The following LCORL variants were observed in gnomAD, a reference collection of about 807,000 sequenced individuals.
LCORL encodes the protein ligand-dependent nuclear receptor corepressor-like protein.
Under a neutral mutation model 141.8 loss-of-function variants are expected in LCORL, and 41 were observed. That is an observed-to-expected ratio of 0.29 (90% CI 0.23 to 0.38). The LOEUF (loss-of-function observed/expected upper bound fraction) is 0.38, where lower values mean the gene tolerates loss of function less well. Ranked by LOEUF, LCORL falls within the 10% of genes least tolerant of loss-of-function variation. LCORL has a pLI of 1.00. For synonymous variants in LCORL, 618 were observed against 694.1 expected (o/e 0.89, Z 1.72); for missense variants, 1,759 against 2,035.0 (o/e 0.86, Z 2.61).
intron 7 of LCORL, among the ~76,000 whole-genome samples, chr4:17,853,630 C>G (rs1724025898): frequency 6.6e-6 from 1 of 152,246 alleles, no homozygotes; most frequent in East Asian, 1.9e-4. Context: ...ACTGTCAAAT[C>G]TGAACTCATC....
At chr4:17,870,431 A>G (rs534206028) in intron 7 of LCORL, among the ~76,000 whole-genome samples, 2 of 152,270 alleles carry the variant, frequency 1.3e-5, no homozygotes, top group African/African-American at 4.8e-5. Flanking sequence ...AGATGCAACA[A>G]TGTAGGAAAC....
At chr4:17,964,367 A>C (rs1714437137) in intron 2 of LCORL, among the ~76,000 whole-genome samples, 1 of 152,154 alleles carries the variant, frequency 6.6e-6, no homozygotes, top group African/African-American at 2.4e-5. Context: ...TATGGATTAA[A>C]TGAAAAAATG....
At chr4:17,995,784 A>G (rs1396931119) in intron 1 of LCORL, among the ~76,000 whole-genome samples, 1 of 152,088 alleles carries the variant, frequency 6.6e-6, no homozygotes, top group South Asian at 2.1e-4. Context: ...CTAATATTAT[A>G]TAAGTTTGTT....
At chr4:17,945,068 G>T (rs1371202892) in intron 4 of LCORL, among the ~76,000 whole-genome samples, 1 of 152,090 alleles carries the variant, frequency 6.6e-6, no homozygotes, top group African/African-American at 2.4e-5. Context: ...CACACCCTCT[G>T]CAAGAATTAT....
intron 1 of LCORL, among the ~76,000 whole-genome samples, chr4:17,995,287 T>A (rs562848417): frequency 2.7e-4 from 41 of 151,932 alleles, no homozygotes; most frequent in Non-Finnish European, 5.3e-4. Flanking sequence ...ACTTAAGGAC[T>A]ACAGTGTCTC....
At chr4:17,947,361 T>G (rs1279988104) in intron 4 of LCORL, among the ~76,000 whole-genome samples, 1 of 151,880 alleles carries the variant, frequency 6.6e-6, no homozygotes, top group African/African-American at 2.4e-5. Context: ...GAGAGCAGAA[T>G]AGTAGAATAC....
chr4:17,851,664 G>C lies in LCORL; in HGVS notation c.5603-5763C>G, dbSNP rs76904693. ...TAGCAATGATGCATTGAATATTCTT[G>C]CATGTGTTCAAGTATATCTATAGAG... On this transcript the variant is annotated intron_variant, in intron 7 of 7. Coordinates refer to ENST00000635767, the Ensembl canonical transcript of LCORL. 3.9e-3 allele frequency among the ~76,000 whole-genome samples: 593 copies of C among 152,170 alleles called. 14 individuals are homozygous for C. The East Asian group carries it at 0.059, about 15-fold the overall frequency.
intron 5 of LCORL, chr4:17,893,687 T>A: frequency 1.6e-6 from 1 of 619,170 alleles, no homozygotes; most frequent in Non-Finnish European, 2.0e-6. Context: ...TAATTTGCAT[T>A]GAAATTTCTT....
chr4:17,933,956 A>G (rs1296397524), intron 4 of LCORL, among the ~76,000 whole-genome samples: 1 of 151,924 alleles, frequency 6.6e-6, no homozygotes, highest in African/African-American at 2.4e-5. Flanking sequence ...GATTCTAAGT[A>G]ACAGTCCTTT....
At chr4:17,851,225 A>T (rs1723656952) in intron 7 of LCORL, among the ~76,000 whole-genome samples, 1 of 151,812 alleles carries the variant, frequency 6.6e-6, no homozygotes, top group Admixed American at 6.6e-5. Context: ...ACATGTATAC[A>T]TATGTAAGAA....
At chr4:17,879,037 T>C (rs1444845061) in intron 6 of LCORL, among the ~76,000 whole-genome samples, 1 of 151,234 alleles carries the variant, frequency 6.6e-6, no homozygotes, top group Non-Finnish European at 1.5e-5. Context: ...TAATTAAACA[T>C]ATCACCAAAC....
intron 4 of LCORL, among the ~76,000 whole-genome samples, chr4:17,910,828 G>A (rs959696830): frequency 6.6e-6 from 1 of 152,110 alleles, no homozygotes; most frequent in Non-Finnish European, 1.5e-5. Context: ...ACAAAACATT[G>A]TATTACCTGT....
intron 4 of LCORL, among the ~76,000 whole-genome samples, chr4:17,912,673 G>A (rs1732760322): frequency 6.6e-6 from 1 of 152,152 alleles, no homozygotes; most frequent in Non-Finnish European, 1.5e-5. Flanking sequence ...GCCTGAGGGA[G>A]GTGGAGGCCT....
At chr4:17,959,369 T>G (rs554531997) in intron 4 of LCORL, among the ~76,000 whole-genome samples, 3 of 152,154 alleles carry the variant, frequency 2.0e-5, no homozygotes, top group Non-Finnish European at 4.4e-5. Flanking sequence ...CACTGTTCAT[T>G]TTTTGAACTT....
At chr4:18,003,136 C>A (rs1419171600) in intron 1 of LCORL, among the ~76,000 whole-genome samples, 3 of 152,152 alleles carry the variant, frequency 2.0e-5, no homozygotes, top group Non-Finnish European at 4.4e-5. Flanking sequence ...ATATCCATAT[C>A]TCCGTGCTTT....
chr4:17,983,098 C>T (rs1366354162), intron 1 of LCORL, among the ~76,000 whole-genome samples: 2 of 152,050 alleles, frequency 1.3e-5, no homozygotes, highest in Non-Finnish European at 1.5e-5. Context: ...TATTTCTGTG[C>T]TCTCTATTCC....
At chr4:18,012,080 T>C (rs139441235) in intron 1 of LCORL, among the ~76,000 whole-genome samples, 108 of 152,342 alleles carry the variant, frequency 7.1e-4, no homozygotes, top group Non-Finnish European at 1.3e-3. Context: ...ACAAACACTT[T>C]TCACATTCTT....
chr4:17,916,993 T>A (rs190582309), intron 4 of LCORL, among the ~76,000 whole-genome samples: 1 of 151,916 alleles, frequency 6.6e-6, no homozygotes, highest in Non-Finnish European at 1.5e-5. Context: ...TCTTTTCTTT[T>A]CTCGAGACAG....
At chr4:18,000,217 T>C (rs770239975) in intron 1 of LCORL, among the ~76,000 whole-genome samples, 4 of 149,684 alleles carry the variant, frequency 2.7e-5, no homozygotes, top group Non-Finnish European at 5.9e-5. Context: ...GCCAGAAAGA[T>C]AGGGAAGGGG....
Sources: gnomAD v4.1 joint callset for allele counts (sites outside exome capture counted in the v4.1 genomes callset) on GRCh38, gnomAD v4.1.1 for gene constraint, MANE v1.5 for transcripts, NCBI Gene and HGNC (gene_info 2026-07-23, HGNC 2026-07-21) for gene names.